CES5A: variants seen among roughly 807,000 people sequenced by gnomAD.
CES5A encodes the protein carboxylesterase 5A.
CES5A carries 67 observed loss-of-function variants against 62.9 expected under a neutral mutation model. That is an observed-to-expected ratio of 1.07 (90% CI 0.88 to 1.31). The LOEUF (loss-of-function observed/expected upper bound fraction) is 1.31, where lower values mean the gene tolerates loss of function less well. Ranked by LOEUF, CES5A falls within the 50% of genes most tolerant of loss-of-function variation. The pLI is 0.00. For missense variants in CES5A, 748 were observed against 708.5 expected (o/e 1.06, Z -0.63); for synonymous variants, 296 against 280.8 (o/e 1.05, Z -0.54).
chr16:55,873,145 G>A (rs1223728532), intron 2 of CES5A, among the ~76,000 whole-genome samples: 2 of 151,962 alleles, frequency 1.3e-5, no homozygotes, highest in African/African-American at 4.8e-5. Flanking sequence ...AGATTCTAGG[G>A]GATTTTCAAG....
At chr16:55,887,929 G>C (rs55708532) in intron 1 of CES5A, among the ~76,000 whole-genome samples, 1 of 152,026 alleles carries the variant, frequency 6.6e-6, no homozygotes, top group Non-Finnish European at 1.5e-5. Flanking sequence ...TTGAGCGGCC[G>C]AGTACTGCAT....
upstream of CES5A, among the ~76,000 whole-genome samples, chr16:55,929,270 C>T (rs2034286406): frequency 6.6e-6 from 1 of 152,232 alleles, no homozygotes; most frequent in Admixed American, 6.5e-5. Context: ...GGCTTCCCAA[C>T]AGCCTCGCCA....
intron 2 of CES5A, among the ~76,000 whole-genome samples, chr16:55,937,130 G>A (rs1216377409): frequency 6.6e-6 from 1 of 152,152 alleles, no homozygotes. Flanking sequence ...TTGCCTACCT[G>A]GAGAACTTAA....
chr16:55,846,716 T>C (rs1366766741), intron 12 of CES5A, 34 bp from the exon 13 acceptor site: 1 of 1,612,608 alleles, frequency 6.2e-7, no homozygotes, highest in Non-Finnish European at 8.5e-7. Context: ...GGTGAGATTT[T>C]CCTCCTCACA....
chr16:55,936,505 T>C (rs2142474151), intron 2 of CES5A, among the ~76,000 whole-genome samples: 1 of 152,298 alleles, frequency 6.6e-6, no homozygotes, highest in African/African-American at 2.4e-5. Flanking sequence ...ATCTTTTCTG[T>C]TGGACCCAAG....
intron 2 of CES5A, among the ~76,000 whole-genome samples, chr16:55,931,587 C>T (rs1008087435): frequency 1.3e-5 from 2 of 152,192 alleles, no homozygotes; most frequent in African/African-American, 4.8e-5. Context: ...ATTCTCACCC[C>T]TCTGATCCTT....
chr16:55,930,756 T>A (rs8063874), intron 2 of CES5A, among the ~76,000 whole-genome samples: 12 of 151,956 alleles, frequency 7.9e-5, no homozygotes, highest in African/African-American at 2.9e-4. Context: ...TTTCCAGTGC[T>A]AAACTGTAGG....
chr16:55,859,477 G>A (rs1166288961), intron 8 of CES5A, 70 bp downstream of exon 8: 1 of 1,472,558 alleles, frequency 6.8e-7, no homozygotes, highest in Non-Finnish European at 9.3e-7. Flanking sequence ...CTGTGGAAAT[G>A]CCCAGCTGTT....
At chr16:55,882,347 C>T (rs2142425536) in intron 1 of CES5A, among the ~76,000 whole-genome samples, 1 of 152,308 alleles carries the variant, frequency 6.6e-6, no homozygotes, top group East Asian at 1.9e-4. Context: ...CACTAATGCA[C>T]AGAGGCGATT....
chr16:55,892,370 C>A (rs2033889201), intron 1 of CES5A, among the ~76,000 whole-genome samples: 1 of 152,124 alleles, frequency 6.6e-6, no homozygotes, highest in African/African-American at 2.4e-5. Flanking sequence ...TAAAACCAAG[C>A]TGCACCCCAA....
At chr16:55,927,924 T>C (rs546649081), upstream of CES5A, among the ~76,000 whole-genome samples, 12 of 152,302 alleles carry the variant, frequency 7.9e-5, no homozygotes, top group South Asian at 1.2e-3. Flanking sequence ...ACATATACCA[T>C]GGAATACTAC....
At chr16:55,865,834 C>T (rs879196771) in intron 5 of CES5A, 129 bp downstream of exon 5, 4 of 1,046,152 alleles carry the variant, frequency 3.8e-6, no homozygotes, top group South Asian at 1.4e-5. Context: ...TGTTGTGAGG[C>T]TTGAAAAAGA....
Position 55,852,942 on chromosome 16 carries a change from C to G in CES5A, c.1212G>C (p.Leu404=). 1 of 1,614,172 alleles carries G rather than the reference C, an allele frequency of 6.2e-7. No individual in the cohort carries two copies. Among genetic ancestry groups the G allele is most frequent in the Non-Finnish European group, 8.5e-7 (1 of 1,180,016 alleles). Residue 404 remains leucine, a synonymous_variant, in exon 10 of 13, where the codon CTG becomes CTC. Transcript: ENST00000290567. Reference sequence around the variant, plus strand: ...CAAAGAACACATCTCCAAGCAAGTCCAGAAGACTGTCTCGGATTTCAGTCA... The same window carrying G: ...CAAAGAACACATCTCCAAGCAAGTCGAGAAGACTGTCTCGGATTTCAGTCA... ...HSLTEIRDSL[L]DLLGDVFFVV...
upstream of CES5A, among the ~76,000 whole-genome samples, chr16:55,876,319 T>A (rs1346777646): frequency 1.3e-5 from 2 of 152,220 alleles, no homozygotes; most frequent in African/African-American, 4.8e-5. Flanking sequence ...ATCTACCTAG[T>A]GCAATAAGAA....
Position 55,849,629 on chromosome 16 carries a change from A to G in CES5A, c.1418T>C (p.Met473Thr), listed in dbSNP as rs1182654207. The G allele has an allele frequency of 1.9e-6, 3 of 1,614,012 alleles. No homozygotes were observed. The highest frequency in any genetic ancestry group is 2.2e-5 in the South Asian group (2 of 91,082). Residue 473 changes from methionine to threonine, a missense_variant, in exon 11 of 13, where the codon ATG becomes ACG. Transcript: ENST00000290567. ...GGAAGTGGCCAGTCCCTTACCGAAC[A>G]TAACAATGTCCCCCTTCAGGAAGGC... ...GGAFLKGDIVMFEGATEEEKL... is the reference protein window; with the variant it reads ...GGAFLKGDIVTFEGATEEEKL...
At position 55,910,295 on chromosome 16, in the gene CES5A, C is replaced by A. The variant is rs113709474; in HGVS notation, c.-256+15028G>T. ...AAAGAAGCCAAGGTAGCTGCTTACC[C>A]CACACCTGACAGAAGGCGCTATTCC... is the stretch of plus-strand genomic sequence containing the variant. On this transcript the variant is annotated intron_variant, in intron 1 of 12. Coordinates refer to the CES5A transcript ENST00000518005. Among the ~76,000 whole-genome samples the A allele has an allele frequency of 3.7e-3, 570 of 152,324 alleles. 5 individuals are homozygous for A. Among genetic ancestry groups the A allele is most frequent in the African/African-American group, 0.013 (535 of 41,578 alleles).
chr16:55,870,871 G>A (rs2033569610), intron 3 of CES5A, among the ~76,000 whole-genome samples: 1 of 152,194 alleles, frequency 6.6e-6, no homozygotes, highest in South Asian at 2.1e-4. Flanking sequence ...AGAGAAGAAA[G>A]CCACTGAGGA....
chr16:55,863,833 T>G (rs2142400833), intron 5 of CES5A, among the ~76,000 whole-genome samples: 1 of 151,820 alleles, frequency 6.6e-6, no homozygotes, highest in East Asian at 1.9e-4. Flanking sequence ...CTCACCTCAC[T>G]GCAACCTCCG....
upstream of CES5A, among the ~76,000 whole-genome samples, chr16:55,879,431 C>A (rs2033738371): frequency 6.6e-6 from 1 of 151,302 alleles, no homozygotes; most frequent in Admixed American, 6.6e-5. Context: ...CCTCTGCAGG[C>A]CACTATCTCC....
Sources: gnomAD v4.1 joint callset for allele counts (sites outside exome capture counted in the v4.1 genomes callset) on GRCh38, gnomAD v4.1.1 for gene constraint, MANE v1.5 for transcripts, NCBI Gene and HGNC (gene_info 2026-07-23, HGNC 2026-07-21) for gene names.